The following LRRC28 variants were observed in gnomAD, a reference collection of about 807,000 sequenced individuals.
LRRC28 encodes leucine-rich repeat-containing protein 28.
In LRRC28, 39 loss-of-function variants were observed where a neutral mutation model predicts 45.7. The observed-to-expected ratio is 0.85, with a 90% confidence interval of 0.66 to 1.12. The LOEUF is 1.12. LRRC28 is among the 50% of genes most tolerant of loss of function. The pLI is 0.00. For missense variants in LRRC28, 435 were observed against 438.5 expected, an observed-to-expected ratio of 0.99 and a Z score of 0.07; for synonymous variants, 206 against 178.8, an observed-to-expected ratio of 1.15 and a Z score of -1.22.
intron 5 of LRRC28, among the ~76,000 whole-genome samples, chr15:99,303,481 A>C (rs766477134): frequency 6.6e-6 from 1 of 152,230 alleles, no homozygotes; most frequent in Non-Finnish European, 1.5e-5. Flanking sequence ...GAGTAAATTG[A>C]TAAGGTGTTA....
Position 99,314,805 on chromosome 15 carries a change from A to G in LRRC28, c.386-19118A>G, listed in dbSNP as rs549014881. 3.3e-5 allele frequency among the ~76,000 whole-genome samples: 5 copies of G among 152,290 alleles called. No homozygotes were observed. In the East Asian group the frequency reaches 7.7e-4, roughly 23 times the overall value. On this transcript the variant is annotated intron_variant, in intron 5 of 9. Transcript: ENST00000301981. Reference sequence around the variant, plus strand: ...TAGCCTTTAACTTGTCATTTTAGCGAATTATTCTTAGTGCAAGCATACATA... The same window carrying G: ...TAGCCTTTAACTTGTCATTTTAGCGGATTATTCTTAGTGCAAGCATACATA...
At chr15:99,311,657 T>TAA (rs1955416497) in intron 5 of LRRC28, among the ~76,000 whole-genome samples, 1 of 152,192 alleles carries the variant, frequency 6.6e-6, no homozygotes, top group Admixed American at 6.5e-5. Context: ...TGCCTGCAAG[T>TAA]TCAGAATGAT....
intron 2 of LRRC28, among the ~76,000 whole-genome samples, chr15:99,270,374 C>T (rs979301859): frequency 2.0e-5 from 3 of 152,140 alleles, no homozygotes; most frequent in African/African-American, 4.8e-5. Flanking sequence ...CCAAACATTT[C>T]GTTCACTCCA....
intron 5 of LRRC28, among the ~76,000 whole-genome samples, chr15:99,290,213 T>C (rs1434637819): frequency 6.7e-6 from 1 of 150,002 alleles, no homozygotes; most frequent in Non-Finnish European, 1.5e-5. Flanking sequence ...GAGCCGAGAT[T>C]GCACCACTGC....
intron 5 of LRRC28, among the ~76,000 whole-genome samples, chr15:99,307,783 A>G (rs1955242408): frequency 1.3e-5 from 2 of 152,232 alleles, no homozygotes; most frequent in Non-Finnish European, 2.9e-5. Context: ...AGATCCTGCA[A>G]TTGAAAATCT....
At chr15:99,307,827 TA>T (rs1408281960) in intron 5 of LRRC28, among the ~76,000 whole-genome samples, 1 of 152,234 alleles carries the variant, frequency 6.6e-6, no homozygotes, top group African/African-American at 2.4e-5. Context: ...TTGTTAACAG[TA>T]AAGACTTAAT....
At chr15:99,292,405 C>T (rs987902230) in intron 5 of LRRC28, among the ~76,000 whole-genome samples, 9 of 149,630 alleles carry the variant, frequency 6.0e-5, no homozygotes, top group South Asian at 2.1e-4. Context: ...TCGCCCAGGC[C>T]GGACTGCGGA....
intron 3 of LRRC28, among the ~76,000 whole-genome samples, chr15:99,279,769 A>G (rs1044170452): frequency 1.3e-5 from 2 of 152,202 alleles, no homozygotes; most frequent in Non-Finnish European, 2.9e-5. Flanking sequence ...TCATTTCCAG[A>G]GTTCTCAACA....
At chr15:99,359,771 A>G (rs1422442184) in intron 7 of LRRC28, among the ~76,000 whole-genome samples, 3 of 152,244 alleles carry the variant, frequency 2.0e-5, no homozygotes, top group Admixed American at 1.3e-4. Flanking sequence ...ATAGTATGGA[A>G]TATTACAAAA....
chr15:99,257,535 C>CA (rs2081057678), intron 2 of LRRC28: 1 of 458,488 alleles, frequency 2.2e-6, no homozygotes. Context: ...GTGGGCGGAC[C>CA]ACGCGGCTGG....
intron 3 of LRRC28, chr15:99,285,171 C>T: frequency 1.4e-6 from 1 of 725,678 alleles, no homozygotes; most frequent in Non-Finnish European, 2.5e-6. Flanking sequence ...CTCAGTCAGT[C>T]ATGATTTCAA....
chr15:99,320,746 G>GATTT (rs1414143341), intron 5 of LRRC28: 1 of 152,204 alleles, frequency 6.6e-6, no homozygotes, highest in Non-Finnish European at 1.5e-5. Context: ...GTAAGGCATA[G>GATTT]ATTTGGTTTT....
intron 9 of LRRC28, among the ~76,000 whole-genome samples, chr15:99,367,421 G>A (rs1957369445): frequency 6.6e-6 from 1 of 152,084 alleles, no homozygotes; most frequent in Admixed American, 6.6e-5. Flanking sequence ...ATGTCAGAAG[G>A]GCAGCAGGCA....
chr15:99,273,112 T>C (rs948435208), intron 2 of LRRC28, among the ~76,000 whole-genome samples: 1 of 152,214 alleles, frequency 6.6e-6, no homozygotes, highest in African/African-American at 2.4e-5. Flanking sequence ...GCTAAAAATA[T>C]GGCATTAGAA....
chr15:99,262,926 G>A (rs980855924), intron 2 of LRRC28, among the ~76,000 whole-genome samples: 1 of 151,828 alleles, frequency 6.6e-6, no homozygotes, highest in Non-Finnish European at 1.5e-5. Context: ...CTGAGATTAC[G>A]GTGAGCCACT....
intron 2 of LRRC28, chr15:99,257,742 A>C: frequency 1.3e-6 from 1 of 775,216 alleles, no homozygotes; most frequent in Non-Finnish European, 2.4e-6. Context: ...TCTGGGTAAA[A>C]GTAGACAAGG....
Position 99,387,206 on chromosome 15 carries a change from G to C in LRRC28, c.*1104G>C, listed in dbSNP as rs376897033. 3 of 145,212 alleles carry C rather than the reference G, an allele frequency of 2.1e-5. No individual in the cohort carries two copies. The highest frequency in any genetic ancestry group is 2.0e-4 in the East Asian group (1 of 4,884). The allele number at this position is 145,212 out of a possible 1,614,324, so 9.0% of individuals were successfully genotyped here. A position where few individuals can be genotyped will look rare whatever the true frequency, so the allele number is the denominator to read the frequency against. On this transcript the variant is annotated 3_prime_UTR_variant, in exon 10 of 10. Transcript: ENST00000301981. ...CTCCCAAGTAGCTGGGACCACAGGC[G>C]CCCGCCACCACGCCCGGCTAATTTT...
rs546649755 is a variant in LRRC28 at position 99,283,054 on chromosome 15, A to G, written c.210-4203A>G. Among the ~76,000 whole-genome samples, 12 of 152,054 alleles carry G rather than the reference A, an allele frequency of 7.9e-5. 1 individual carries two copies. In the South Asian group the frequency reaches 2.3e-3, roughly 29 times the overall value. ...ATTACAGGCATGTGCCACCATGCCC[A>G]GCTAATTTTTGTAGTTTTAGTAGAG... On this transcript the variant is annotated intron_variant, in intron 3 of 9. Transcript: ENST00000301981.
intron 5 of LRRC28, chr15:99,297,464 A>G (rs567071293): frequency 1.5e-5 from 2 of 130,720 alleles, no homozygotes; most frequent in African/African-American, 5.9e-5. Flanking sequence ...GGGTCTTGCT[A>G]TGTCACCCAG....
Sources: gnomAD v4.1 joint callset for allele counts (sites outside exome capture counted in the v4.1 genomes callset) on GRCh38, gnomAD v4.1.1 for gene constraint, MANE v1.5 for transcripts, NCBI Gene and HGNC (gene_info 2026-07-23, HGNC 2026-07-21) for gene names.